PIGK: variants seen among roughly 807,000 people sequenced by gnomAD.
PIGK encodes GPI-anchor transamidase.
In PIGK, 42 loss-of-function variants were observed where a neutral mutation model predicts 50.6. The observed-to-expected ratio is 0.83, with a 90% CI of 0.65 to 1.07. The LOEUF is 1.07. Ranked by LOEUF, PIGK falls within the 50% of genes least tolerant of loss-of-function variation. The pLI, the probability that PIGK is intolerant of heterozygous loss-of-function variation, is 0.00. For synonymous variants in PIGK, 151 were observed against 156.0 expected, an observed-to-expected ratio of 0.97 and a Z score of 0.24; for missense variants, 448 against 488.7, an observed-to-expected ratio of 0.92 and a Z score of 0.78.
At chr1:77,211,117 T>C (rs906681204) in intron 1 of PIGK, among the ~76,000 whole-genome samples, 3 of 152,024 alleles carry the variant, frequency 2.0e-5, no homozygotes, top group African/African-American at 7.2e-5. Context: ...TTACATTATA[T>C]ATATAATTAA....
chr1:77,189,398 C>G (rs1557818793), intron 3 of PIGK, among the ~76,000 whole-genome samples: 1 of 151,868 alleles, frequency 6.6e-6, no homozygotes, highest in African/African-American at 2.4e-5. Flanking sequence ...GAGGGTGTTG[C>G]CAAAAGAGAT....
chr1:77,136,083 C>G (rs1003218477), intron 9 of PIGK, among the ~76,000 whole-genome samples: 1 of 152,184 alleles, frequency 6.6e-6, no homozygotes, highest in Non-Finnish European at 1.5e-5. Context: ...ATACCAAACA[C>G]TCTCAGCTTT....
At chr1:77,121,286 A>T (rs1262180248) in intron 10 of PIGK, among the ~76,000 whole-genome samples, 3 of 152,154 alleles carry the variant, frequency 2.0e-5, no homozygotes, top group Non-Finnish European at 4.4e-5. Context: ...AATTCCTGAC[A>T]TATAAACTGG....
At chr1:77,134,488 T>C (rs568143720) in intron 9 of PIGK, among the ~76,000 whole-genome samples, 151 of 152,348 alleles carry the variant, frequency 9.9e-4, no homozygotes, top group Middle Eastern at 3.4e-3. Context: ...ATTATGTCAC[T>C]CTAGCCTAAC....
intron 10 of PIGK, among the ~76,000 whole-genome samples, chr1:77,105,372 A>G (rs1051241970): frequency 1.3e-5 from 2 of 151,976 alleles, no homozygotes; most frequent in Admixed American, 1.3e-4. Flanking sequence ...GAGAGTGGGC[A>G]AACTTTGGGC....
intron 3 of PIGK, among the ~76,000 whole-genome samples, chr1:77,179,837 C>T (rs1655571939): frequency 6.6e-6 from 1 of 152,174 alleles, no homozygotes; most frequent in Non-Finnish European, 1.5e-5. Context: ...GTTCTGTTTA[C>T]TGTTCAGAAC....
chr1:77,145,137 C>A (rs1654738720), intron 9 of PIGK, among the ~76,000 whole-genome samples: 1 of 151,978 alleles, frequency 6.6e-6, no homozygotes, highest in African/African-American at 2.4e-5. Context: ...TCTTCACAAT[C>A]AATTTTACCC....
intron 9 of PIGK, among the ~76,000 whole-genome samples, chr1:77,132,650 C>A (rs904784586): frequency 2.6e-5 from 4 of 151,996 alleles, no homozygotes; most frequent in Non-Finnish European, 5.9e-5. Context: ...TGGCTCTCTT[C>A]ATTCTTTACT....
chr1:77,149,019 C>A (rs762136699), intron 9 of PIGK, among the ~76,000 whole-genome samples: 2 of 152,054 alleles, frequency 1.3e-5, no homozygotes, highest in African/African-American at 2.4e-5. Flanking sequence ...CCAGCCATAT[C>A]AGTTTTAAAT....
chr1:77,179,341 T>C lies in PIGK; in HGVS notation c.240-9946A>G, dbSNP rs11162285. 4.8e-3 allele frequency among the ~76,000 whole-genome samples: 729 copies of C among 152,322 alleles called. 10 individuals are homozygous for C. Among genetic ancestry groups the C allele is most frequent in the African/African-American group, 0.017 (694 of 41,568 alleles). ...GGGGGAATTGGTAAAGTGAACTAAATGTGGTCTGAGAAGGACTCTGCTACA... is the reference window on the plus strand; with the variant it reads ...GGGGGAATTGGTAAAGTGAACTAAACGTGGTCTGAGAAGGACTCTGCTACA... On this transcript the variant is annotated intron_variant, in intron 3 of 10. Coordinates refer to ENST00000370812, the MANE Select transcript of PIGK (RefSeq NM_005482.3).
At chr1:77,112,365 G>A (rs1402636215) in intron 10 of PIGK, among the ~76,000 whole-genome samples, 2 of 151,932 alleles carry the variant, frequency 1.3e-5, no homozygotes, top group Non-Finnish European at 2.9e-5. Flanking sequence ...TATAGCATGA[G>A]GCTGAAGGGA....
In PIGK at chr1:77,166,945, A is replaced by G. The variant is rs1655249161; in HGVS notation, c.376-115T>C. 5.3e-5 allele frequency: 32 copies of G among 602,276 alleles called. No homozygotes were observed. The South Asian group carries it at 6.8e-4, about 13-fold the overall frequency. The allele number at this position is 602,276 out of a possible 1,614,324, so 37.3% of individuals were successfully genotyped here. On this transcript the variant is annotated intron_variant, in intron 4 of 10. Coordinates refer to ENST00000370812, the MANE Select transcript of PIGK (RefSeq NM_005482.3). The stretch of plus-strand genomic sequence containing the variant: ...CTTTCTCCATATATTACTCAGCACC[A>G]ACTGAAAATAAAACACCCAAAAATT...
At chr1:77,111,435 T>C (rs1003035539) in intron 10 of PIGK, among the ~76,000 whole-genome samples, 1 of 151,980 alleles carries the variant, frequency 6.6e-6, no homozygotes, top group African/African-American at 2.4e-5. Context: ...CCATAAAAAA[T>C]GATGAATTCC....
In PIGK at chr1:77,161,634, A is replaced by G. The variant is rs759936217; in HGVS notation, c.662T>C (p.Met221Thr). 6.3e-7 allele frequency: 1 copy of G among 1,576,188 alleles called. No homozygotes were observed. The highest frequency in any genetic ancestry group is 1.1e-5 in the South Asian group (1 of 90,308). Reference protein sequence around the residue: ...MYERFYSPNIMALASSQVGED... With the variant: ...MYERFYSPNITALASSQVGED... ...TCCCACTTGACTACTAGCTAGAGCC[A>G]TTATGTTAGGAGAATAAAATCGTTC... The change falls in exon 7 of 11, where the codon ATG becomes ACG. Residue 221 changes from methionine (M) to threonine (T), a missense_variant. Met to Thr is a moderately conservative substitution (Grantham distance 81, BLOSUM62 -1). Transcript: ENST00000370812.
intron 8 of PIGK, among the ~76,000 whole-genome samples, chr1:77,159,787 A>G (rs1224729063): frequency 6.6e-6 from 1 of 152,190 alleles, no homozygotes; most frequent in East Asian, 1.9e-4. Flanking sequence ...CCCCCATTGT[A>G]TCTAGGAAGT....
intron 10 of PIGK, among the ~76,000 whole-genome samples, chr1:77,112,396 T>C (rs1256246420): frequency 6.6e-6 from 1 of 152,082 alleles, no homozygotes; most frequent in Non-Finnish European, 1.5e-5. Context: ...AATTTGTCTC[T>C]ATCCAGTCAG....
intron 10 of PIGK, among the ~76,000 whole-genome samples, chr1:77,120,102 G>A (rs1654062140): frequency 6.6e-6 from 1 of 152,026 alleles, no homozygotes; most frequent in African/African-American, 2.4e-5. Context: ...AGTTACAGGG[G>A]GAGATTATAC....
chr1:77,096,614 T>C (rs1400587426), intron 10 of PIGK, among the ~76,000 whole-genome samples: 1 of 152,166 alleles, frequency 6.6e-6, no homozygotes, highest in African/African-American at 2.4e-5. Context: ...ACTAATCAAG[T>C]TGACCACACC....
chr1:77,206,585 A>C, intron 3 of PIGK, 55 bp downstream of exon 3: 1 of 923,428 alleles, frequency 1.1e-6, no homozygotes. Context: ...AATAACAATT[A>C]TCTAAGGGTT....
Sources: allele counts gnomAD v4.1 joint callset (sites outside exome capture counted in the v4.1 genomes callset), GRCh38; gene constraint gnomAD v4.1.1; transcripts MANE v1.5; gene names NCBI Gene and HGNC (gene_info 2026-07-23, HGNC 2026-07-21).